ATXN7: variants seen among roughly 807,000 people sequenced by gnomAD.
ATXN7 encodes ataxin-7.
Under a neutral mutation model 70.5 loss-of-function variants are expected in ATXN7, and 12 were observed. The observed-to-expected ratio is 0.17, with a 90% CI of 0.11 to 0.28. ATXN7 has a LOEUF of 0.28. ATXN7 is among the 10% of genes least tolerant of loss of function. The pLI, the probability that ATXN7 is intolerant of heterozygous loss-of-function variation, is 1.00. For synonymous variants in ATXN7, 498 were observed against 448.7 expected (o/e 1.11, Z -1.39); for missense variants, 1,256 against 1,131.7 (o/e 1.11, Z -1.58).
chr3:63,930,651 C>T (rs924698251), intron 4 of ATXN7, among the ~76,000 whole-genome samples: 1 of 152,114 alleles, frequency 6.6e-6, no homozygotes, highest in Non-Finnish European at 1.5e-5. Flanking sequence ...GCCTTAGCCC[C>T]CTGAGTAGCT....
In ATXN7 at chr3:63,930,145, T is replaced by C. The variant is rs576042267; in HGVS notation, c.394+16920T>C. 2.0e-5 allele frequency among the ~76,000 whole-genome samples: 3 copies of C among 151,496 alleles called. No homozygotes were observed. In the East Asian group the frequency reaches 5.8e-4, roughly 29 times the overall value. On this transcript the variant is annotated intron_variant, in intron 4 of 12. Coordinates refer to ENST00000674280, the MANE Select transcript of ATXN7 (RefSeq NM_001377405.1). ...ATGGTTCTGAAATAGTGCCGAGGAC[T>C]TTGAGAGGTCAGGCTTTAATGCTTG...
chr3:63,925,543 C>T (rs907998034), intron 4 of ATXN7, among the ~76,000 whole-genome samples: 2 of 152,216 alleles, frequency 1.3e-5, no homozygotes, highest in Non-Finnish European at 2.9e-5. Flanking sequence ...TGAGGTTCCC[C>T]TGACCCCCCC....
intron 5 of ATXN7, among the ~76,000 whole-genome samples, chr3:63,970,848 A>G (rs1476458576): frequency 6.6e-6 from 1 of 152,022 alleles, no homozygotes; most frequent in Non-Finnish European, 1.5e-5. Context: ...CGCTCTGCCC[A>G]GAGACGTGGA....
intron 2 of ATXN7, among the ~76,000 whole-genome samples, chr3:63,903,080 A>C (rs1266648564): frequency 6.6e-6 from 1 of 151,990 alleles, no homozygotes; most frequent in Admixed American, 6.6e-5. Flanking sequence ...CATCATCATC[A>C]TCACCACTTT....
Position 63,996,641 on chromosome 3 carries a change from A to C in ATXN7, c.2661+158A>C, listed in dbSNP as rs933145970. 42 of 801,550 alleles carry C rather than the reference A, an allele frequency of 5.2e-5. No homozygotes were observed. The African/African-American group carries it at 6.6e-4, about 13-fold the overall frequency. 49.7% of individuals were successfully genotyped at this position (801,550 alleles called of 1,614,324 possible). A position where few individuals can be genotyped will look rare whatever the true frequency, so the allele number is the denominator to read the frequency against. On this transcript the variant is annotated intron_variant, in intron 12 of 12. Coordinates refer to ENST00000674280, the MANE Select transcript of ATXN7 (RefSeq NM_001377405.1). ...TTAAAAAAAAAAAAAAAAAAAAAAA[A>C]GGTTCACGGCCGTATGAAGGTAAAA...
intron 4 of ATXN7, among the ~76,000 whole-genome samples, chr3:63,940,678 A>G (rs1042453536): frequency 2.0e-5 from 3 of 152,176 alleles, no homozygotes; most frequent in East Asian, 1.9e-4. Flanking sequence ...TCCGTCCAAC[A>G]GTCCATTAAA....
In ATXN7 at chr3:63,990,156, T is replaced by C. The variant is rs768131293; in HGVS notation, c.1362-20T>C. On this transcript the variant is annotated intron_variant, in intron 9 of 12. Transcript: ENST00000674280. ...CCCAGGTGTGTGATCTGATCCGTGC[T>C]GCACTTTCTACTCACCAAGGCCTCC... 1.9e-6 allele frequency: 3 copies of C among 1,611,660 alleles called. No individual in the cohort carries two copies. Among genetic ancestry groups the C allele is most frequent in the Non-Finnish European group, 2.5e-6 (3 of 1,179,412 alleles).
At chr3:63,925,284 T>G (rs930742520) in intron 4 of ATXN7, among the ~76,000 whole-genome samples, 4 of 152,082 alleles carry the variant, frequency 2.6e-5, no homozygotes, top group African/African-American at 9.7e-5. Context: ...CAACAGACAT[T>G]TATGCATCCT....
At chr3:63,925,242 C>G (rs1017411018) in intron 4 of ATXN7, among the ~76,000 whole-genome samples, 20 of 152,044 alleles carry the variant, frequency 1.3e-4, no homozygotes, top group Non-Finnish European at 1.0e-4. Context: ...TTTTAAGTAT[C>G]CAGTCAAGGA....
At chr3:63,914,700 T>A (rs2107302949) in intron 4 of ATXN7, among the ~76,000 whole-genome samples, 1 of 152,314 alleles carries the variant, frequency 6.6e-6, no homozygotes, top group East Asian at 1.9e-4. Flanking sequence ...AAGATTGTAA[T>A]TATCAATAAT....
intron 5 of ATXN7, among the ~76,000 whole-genome samples, chr3:63,963,023 C>T (rs1272188303): frequency 6.6e-6 from 1 of 151,590 alleles, no homozygotes; most frequent in Non-Finnish European, 1.5e-5. Context: ...TCAAGCAATC[C>T]TTCCACCTCA....
At chr3:63,871,904 A>G (rs1702605081) in intron 1 of ATXN7, among the ~76,000 whole-genome samples, 1 of 152,112 alleles carries the variant, frequency 6.6e-6, no homozygotes, top group African/African-American at 2.4e-5. Flanking sequence ...TTAATTATCA[A>G]TTAAATTGTT....
At chr3:63,929,288 G>A (rs199584371) in intron 4 of ATXN7, among the ~76,000 whole-genome samples, 1 of 64,352 alleles carries the variant, frequency 1.6e-5, no homozygotes, top group Non-Finnish European at 3.1e-5. Flanking sequence ...TTTTTTTTTT[G>A]TTTGAGATGG....
At chr3:63,993,919 C>T (rs1450496887) in intron 11 of ATXN7, among the ~76,000 whole-genome samples, 1 of 152,182 alleles carries the variant, frequency 6.6e-6, no homozygotes, top group African/African-American at 2.4e-5. Flanking sequence ...TCTGATGCAT[C>T]ATTCTAGGGT....
intron 1 of ATXN7, among the ~76,000 whole-genome samples, chr3:63,897,696 C>A (rs1183714285): frequency 2.6e-5 from 4 of 152,186 alleles, no homozygotes; most frequent in Non-Finnish European, 5.9e-5. Flanking sequence ...TGCCCGATAG[C>A]TGTGTCATTG....
chr3:63,971,932 T>G lies in ATXN7; in HGVS notation c.500-7983T>G, dbSNP rs191134266. 4.9e-3 allele frequency among the ~76,000 whole-genome samples: 750 copies of G among 152,308 alleles called. 1 individual carries two copies. The highest frequency in any genetic ancestry group is 7.7e-3 in the Non-Finnish European group (523 of 68,024). On this transcript the variant is annotated intron_variant, in intron 5 of 12. Transcript: ENST00000674280. ...AAAAAGTGCTGAGTTTTTTTTGTTT[T>G]TGTTTTTGTTTTTGTTTTATGCAGT... is the stretch of plus-strand genomic sequence containing the variant.
intron 8 of ATXN7, among the ~76,000 whole-genome samples, chr3:63,985,811 T>C (rs1042387953): frequency 6.6e-6 from 1 of 152,214 alleles, no homozygotes; most frequent in African/African-American, 2.4e-5. Context: ...AACTTTTTAT[T>C]ACGTACATCT....
At chr3:63,870,148 T>C (rs1199256257) in intron 1 of ATXN7, among the ~76,000 whole-genome samples, 1 of 152,220 alleles carries the variant, frequency 6.6e-6, no homozygotes, top group Non-Finnish European at 1.5e-5. Flanking sequence ...CTCATAGATA[T>C]AAATGAATGG....
intron 5 of ATXN7, among the ~76,000 whole-genome samples, chr3:63,974,305 G>C (rs181292118): frequency 6.6e-6 from 1 of 152,184 alleles, no homozygotes; most frequent in Non-Finnish European, 1.5e-5. Context: ...AACTGTCATC[G>C]ATGACAAATG....
Sources: allele counts gnomAD v4.1 joint callset (sites outside exome capture counted in the v4.1 genomes callset), GRCh38; gene constraint gnomAD v4.1.1; transcripts MANE v1.5; gene names NCBI Gene and HGNC (gene_info 2026-07-23, HGNC 2026-07-21).